The following RADX variants were observed in gnomAD, a reference collection of about 807,000 sequenced individuals.
RADX encodes RPA1 related single stranded DNA binding protein, X-linked, also known as RPA-related protein RADX.
In RADX, 36 loss-of-function variants were observed where a neutral mutation model predicts 61.6. That is an observed-to-expected ratio of 0.58 (90% confidence interval 0.45 to 0.77). The LOEUF is 0.77. Ranked by LOEUF, RADX falls within the 30% of genes least tolerant of loss-of-function variation. The pLI is 0.00. For synonymous variants in RADX, 272 were observed against 237.9 expected (o/e 1.14, Z -1.32); for missense variants, 497 against 651.1 (o/e 0.76, Z 2.58).
chrX:106,618,035 A>G lies in RADX; in HGVS notation c.644-4616A>G, dbSNP rs768202109. On this transcript the variant is annotated intron_variant, in intron 1 of 13. Transcript: ENST00000372548. The stretch of plus-strand genomic sequence containing the variant: ...ATGTTGAAGCAAAAAAGAAATGCCA[A>G]TTGCATGCCATGAAAATAAAAGAGA... 9.9e-4 allele frequency among the ~76,000 whole-genome samples: 111 copies of G among 112,365 alleles called. 1 individual carries two copies. Among genetic ancestry groups the G allele is most frequent in the Admixed American group, 5.4e-3 (58 of 10,650 alleles).
At chrX:106,631,724 G>A (rs1400728163) in intron 3 of RADX, among the ~76,000 whole-genome samples, 10 of 81,945 alleles carry the variant, frequency 1.2e-4, no homozygotes, top group Admixed American at 3.0e-4. Context: ...AAAGAAAGAA[G>A]GAAAGAAAGA....
intron 6 of RADX, among the ~76,000 whole-genome samples, chrX:106,633,577 T>A (rs1311498304): frequency 4.5e-5 from 5 of 111,865 alleles, no homozygotes; most frequent in Non-Finnish European, 7.5e-5. Context: ...ATTCCCTTTT[T>A]ATACATTTGG....
At chrX:106,640,274 A>G (rs1428393007) in intron 9 of RADX, among the ~76,000 whole-genome samples, 2 of 111,409 alleles carry the variant, frequency 1.8e-5, no homozygotes, top group Non-Finnish European at 3.8e-5. Flanking sequence ...TTATCTTTTT[A>G]AACACTACGT....
chrX:106,666,941 G>A (rs189918408), intron 12 of RADX, among the ~76,000 whole-genome samples: 56 of 111,809 alleles, frequency 5.0e-4, no homozygotes, highest in Non-Finnish European at 9.2e-4. Context: ...AAAATTATAG[G>A]TAAAATGCAC....
At chrX:106,670,079 T>C (rs1162741027) in intron 13 of RADX, among the ~76,000 whole-genome samples, 1 of 111,782 alleles carries the variant, frequency 8.9e-6, no homozygotes, top group Non-Finnish European at 1.9e-5. Context: ...TGAGTGTATG[T>C]TGTTTTTGAA....
chrX:106,622,657 A>G lies in RADX; in HGVS notation c.650A>G (p.Lys217Arg), dbSNP rs1926980020. The change falls in exon 2 of 14, where the codon AAA becomes AGA. Residue 217 changes from lysine (K) to arginine (R), a missense_variant. Transcript: ENST00000372548. ...QPEEHNFSDT[K>R]IISLSHLEMT... ...CCTCTTTTTTATATTCTAGATACCA[A>G]AATAATTTCCCTTTCTCATCTTGAA... 2 of 1,116,434 alleles carry G rather than the reference A, an allele frequency of 1.8e-6. No individual in the cohort carries two copies. The highest frequency in any genetic ancestry group is 3.7e-5 in the African/African-American group (2 of 54,404). The allele number at this position is 1,116,434 out of a possible 1,213,427, so 92.0% of individuals were successfully genotyped here. A position where few individuals can be genotyped will look rare whatever the true frequency, so the allele number is the denominator to read the frequency against.
At chrX:106,665,990 A>G (rs1286852057) in intron 12 of RADX, among the ~76,000 whole-genome samples, 1 of 111,424 alleles carries the variant, frequency 9.0e-6, no homozygotes, top group Non-Finnish European at 1.9e-5. Flanking sequence ...CTTGCCTCAA[A>G]TCAATAGATT....
At chrX:106,665,929 C>T (rs1465291261) in intron 12 of RADX, among the ~76,000 whole-genome samples, 1 of 111,479 alleles carries the variant, frequency 9.0e-6, no homozygotes, top group Non-Finnish European at 1.9e-5. Context: ...TGTCAGAAAC[C>T]TATCCTAGAA....
intron 12 of RADX, 117 bp from the exon 13 acceptor site, chrX:106,669,046 A>G (rs918589299): frequency 7.2e-6 from 4 of 553,671 alleles, no homozygotes; most frequent in Non-Finnish European, 1.2e-5. Flanking sequence ...TTTCAAACAC[A>G]GGTTTTTTCA....
In RADX at chrX:106,624,500, C is replaced by T. The variant is rs1037724260; in HGVS notation, c.787-590C>T. On this transcript the variant is annotated intron_variant, in intron 2 of 13. Coordinates refer to ENST00000372548, the MANE Select transcript of RADX (RefSeq NM_018015.6). ...AAAATTATTTATCCTTTTAAAGCCT[C>T]AGTTTACTCATCTGTAAAATATGGA... 3.6e-5 allele frequency among the ~76,000 whole-genome samples: 4 copies of T among 111,653 alleles called. No homozygotes were observed. In the Admixed American group the frequency reaches 3.8e-4, roughly 11 times the overall value.
At chrX:106,661,169 T>C (rs763537986) in intron 11 of RADX, among the ~76,000 whole-genome samples, 31 of 111,086 alleles carry the variant, frequency 2.8e-4, no homozygotes, top group Admixed American at 2.6e-3. Flanking sequence ...CAATAAGGGA[T>C]AAATTATATT....
intron 13 of RADX, among the ~76,000 whole-genome samples, chrX:106,671,939 A>G (rs973834381): frequency 9.0e-6 from 1 of 111,274 alleles, no homozygotes; most frequent in Admixed American, 9.6e-5. Context: ...CATTGTTTCA[A>G]TGGGATGTTT....
intron 1 of RADX, among the ~76,000 whole-genome samples, chrX:106,613,237 G>C (rs1414358649): frequency 8.9e-6 from 1 of 111,892 alleles, no homozygotes; most frequent in East Asian, 2.8e-4. Context: ...TTGAAACGCC[G>C]TGTAACAGTT....
chrX:106,666,711 C>T (rs1452685610), intron 12 of RADX, among the ~76,000 whole-genome samples: 1 of 111,740 alleles, frequency 8.9e-6, no homozygotes, highest in East Asian at 2.8e-4. Context: ...CTTTTAAATG[C>T]ATTTTACGGT....
intron 13 of RADX, among the ~76,000 whole-genome samples, chrX:106,671,715 A>T (rs1469760731): frequency 8.9e-6 from 1 of 111,899 alleles, no homozygotes; most frequent in Non-Finnish European, 1.9e-5. Context: ...GTGGATAGAT[A>T]AGCAAAAATA....
intron 7 of RADX, 72 bp downstream of exon 7, chrX:106,636,719 C>G: frequency 2.0e-6 from 1 of 495,426 alleles, no homozygotes; most frequent in Admixed American, 3.9e-5. Flanking sequence ...TACATATTAA[C>G]TTTTATATAA....
chrX:106,656,755 G>A (rs749464107), intron 11 of RADX, among the ~76,000 whole-genome samples: 6 of 111,550 alleles, frequency 5.4e-5, no homozygotes, highest in Non-Finnish European at 1.1e-4. Context: ...TTTTATCTGA[G>A]CAGTAGTTCT....
At chrX:106,629,244 G>A (rs777858760) in intron 3 of RADX, among the ~76,000 whole-genome samples, 12 of 111,143 alleles carry the variant, frequency 1.1e-4, no homozygotes, top group Non-Finnish European at 2.1e-4. Context: ...GAGCTGGAAG[G>A]GACCTTGAAT....
intron 6 of RADX, among the ~76,000 whole-genome samples, chrX:106,635,027 G>A (rs1927328684): frequency 8.9e-6 from 1 of 111,983 alleles, no homozygotes; most frequent in Admixed American, 9.5e-5. Context: ...TTGACCAAAA[G>A]TGAAGGAAAA....
Sources: allele counts gnomAD v4.1 joint callset (sites outside exome capture counted in the v4.1 genomes callset), GRCh38; gene constraint gnomAD v4.1.1; transcripts MANE v1.5; gene names NCBI Gene and HGNC (gene_info 2026-07-23, HGNC 2026-07-21).